The following PRKAR2A variants were observed in gnomAD, a reference collection of about 807,000 sequenced individuals.
The protein encoded by PRKAR2A is protein kinase cAMP-dependent type II regulatory subunit alpha.
A neutral mutation model predicts 51.9 loss-of-function variants in PRKAR2A; 29 were observed. The ratio of observed to expected loss-of-function variants is 0.56; its 90% confidence interval spans 0.42 to 0.76. The LOEUF (loss-of-function observed/expected upper bound fraction) is 0.76. Among genes scored for constraint, PRKAR2A ranks in the 30% least tolerant of loss-of-function variants. The pLI, the probability that PRKAR2A is intolerant of heterozygous loss-of-function variation, is 0.00. For synonymous variants in PRKAR2A, 178 were observed against 186.2 expected, an observed-to-expected ratio of 0.96 and a Z score of 0.36; for missense variants, 445 against 512.1, an observed-to-expected ratio of 0.87 and a Z score of 1.26.
Position 48,749,842 on chromosome 3 carries a change from C to T in PRKAR2A, c.*1743G>A, listed in dbSNP as rs1003311762. On this transcript the variant is annotated 3_prime_UTR_variant, in exon 11 of 11. Transcript: ENST00000265563. ...AAATGCCTGAGTCAGCTGACAAACT[C>T]CATATACATGAATATGTCCAAGTGA... The T allele has an allele frequency of 1.3e-5, 2 of 151,890 alleles. No homozygotes were observed. The highest frequency in any genetic ancestry group is 2.9e-5 in the Non-Finnish European group (2 of 68,004). The allele number at this position is 151,890 out of a possible 1,614,324, so 9.4% of individuals were successfully genotyped here.
At chr3:48,774,232 G>A (rs1431824520) in intron 5 of PRKAR2A, among the ~76,000 whole-genome samples, 1 of 152,084 alleles carries the variant, frequency 6.6e-6, no homozygotes, top group Non-Finnish European at 1.5e-5. Context: ...TTAAGTCAGG[G>A]TAACTGGGGT....
At chr3:48,797,888 G>A (rs1258209097) in intron 2 of PRKAR2A, among the ~76,000 whole-genome samples, 1 of 152,120 alleles carries the variant, frequency 6.6e-6, no homozygotes, top group Non-Finnish European at 1.5e-5. Context: ...TGAGGCCAGG[G>A]TGCATTATCT....
intron 6 of PRKAR2A, among the ~76,000 whole-genome samples, chr3:48,768,376 C>G (rs545627178): frequency 1.3e-5 from 2 of 151,926 alleles, no homozygotes; most frequent in Non-Finnish European, 2.9e-5. Context: ...GACAGACACA[C>G]ACACACACAT....
At chr3:48,809,131 A>G (rs1163704674) in intron 1 of PRKAR2A, among the ~76,000 whole-genome samples, 3 of 152,244 alleles carry the variant, frequency 2.0e-5, no homozygotes, top group African/African-American at 7.2e-5. Flanking sequence ...CAGCGGACAT[A>G]GCACTTCTGT....
At chr3:48,745,210 A>G (rs1052521617), downstream of PRKAR2A, among the ~76,000 whole-genome samples, 3 of 113,448 alleles carry the variant, frequency 2.6e-5, no homozygotes, top group Non-Finnish European at 3.8e-5. Flanking sequence ...GTGCCAGGCT[A>G]TTTTTTATTT....
At position 48,772,734 on chromosome 3, in the gene PRKAR2A, G is replaced by A. The variant is rs531252424; in HGVS notation, c.696+221C>T. On this transcript the variant is annotated intron_variant, in intron 6 of 10. Transcript: ENST00000265563. ...CGGCTCACTGCAAGCTCCACCTCCC[G>A]AGTTCACGCCATTCTCCTGTCTCAG... 2.4e-3 allele frequency among the ~76,000 whole-genome samples: 368 copies of A among 152,074 alleles called. 3 individuals are homozygous for A. Among genetic ancestry groups the A allele is most frequent in the African/African-American group, 8.4e-3 (348 of 41,470 alleles).
chr3:48,828,820 C>A lies in PRKAR2A; in HGVS notation c.262+18515G>T, dbSNP rs538440809. On this transcript the variant is annotated intron_variant, in intron 1 of 10. Transcript: ENST00000265563. ...CAGTGGTTCATGCCCATAATCCCAG[C>A]ACTTTGTTTTTTTCTTGTTTTTTGT... Among the ~76,000 whole-genome samples the A allele has an allele frequency of 3.3e-5, 5 of 150,636 alleles. No homozygotes were observed. The East Asian group carries it at 7.8e-4, about 24-fold the overall frequency.
intron 1 of PRKAR2A, among the ~76,000 whole-genome samples, chr3:48,823,840 G>T (rs2083011957): frequency 6.6e-6 from 1 of 151,420 alleles, no homozygotes; most frequent in African/African-American, 2.4e-5. Context: ...GGACACTACG[G>T]AAGTCTACTA....
chr3:48,779,337 G>A (rs1485784965), intron 5 of PRKAR2A, among the ~76,000 whole-genome samples: 1 of 152,024 alleles, frequency 6.6e-6, no homozygotes, highest in African/African-American at 2.4e-5. Context: ...CTGTACAAAG[G>A]CATTTCAGTC....
chr3:48,802,792 G>A (rs1418354776), intron 2 of PRKAR2A, among the ~76,000 whole-genome samples: 1 of 152,200 alleles, frequency 6.6e-6, no homozygotes, highest in Non-Finnish European at 1.5e-5. Flanking sequence ...AAAGGTTGGA[G>A]AGACAACAAC....
rs572458726 is a variant in PRKAR2A at position 48,834,825 on chromosome 3, T to TATTATAAC, written c.262+12509_262+12510insGTTATAAT. Among the ~76,000 whole-genome samples, 443 of 151,424 alleles carry TATTATAAC rather than the reference T, an allele frequency of 2.9e-3. 3 individuals are homozygous for TATTATAAC. Among genetic ancestry groups the TATTATAAC allele is most frequent in the African/African-American group, 9.8e-3 (403 of 41,284 alleles). On this transcript the variant is annotated intron_variant, in intron 1 of 10. Coordinates refer to ENST00000265563, the MANE Select transcript of PRKAR2A (RefSeq NM_004157.4). ...AGGAACGAGTTTCCAGACAAAAAGT[T>TATTATAAC]TCAACAACAAAAAGACAAATAAACT...
intron 1 of PRKAR2A, among the ~76,000 whole-genome samples, chr3:48,846,315 A>G (rs1199266196): frequency 6.6e-6 from 1 of 151,408 alleles, no homozygotes; most frequent in East Asian, 1.9e-4. Flanking sequence ...TCCCAGGTTC[A>G]AGCGATTCTC....
intron 1 of PRKAR2A, among the ~76,000 whole-genome samples, chr3:48,843,522 C>T (rs1386749091): frequency 7.9e-5 from 12 of 152,134 alleles, no homozygotes; most frequent in South Asian, 2.1e-4. Flanking sequence ...GAGCCCGCAT[C>T]GCCAAGTCAA....
chr3:48,847,635 G>A lies in PRKAR2A; in HGVS notation c.-39C>T. 2 of 1,403,420 alleles carry A rather than the reference G, an allele frequency of 1.4e-6. No individual in the cohort carries two copies. Among genetic ancestry groups the A allele is most frequent in the Non-Finnish European group, 1.8e-6 (2 of 1,084,692 alleles). 86.9% of individuals were successfully genotyped at this position (1,403,420 alleles called of 1,614,324 possible). On this transcript the variant is annotated 5_prime_UTR_variant, in exon 1 of 11. Transcript: ENST00000265563. This position sits in a 1 kb window ranked among gnomAD's most constrained non-coding sequence, Gnocchi z 4.4. Reference sequence around the variant, plus strand: ...GAAGGGATAGACGGGTTGGGCCGCCGGCGGCCACTGTCTCCGCGCTCACTC... The same window carrying A: ...GAAGGGATAGACGGGTTGGGCCGCCAGCGGCCACTGTCTCCGCGCTCACTC...
intron 1 of PRKAR2A, among the ~76,000 whole-genome samples, chr3:48,812,917 G>C (rs1168665331): frequency 1.3e-5 from 2 of 152,130 alleles, no homozygotes; most frequent in Non-Finnish European, 2.9e-5. Context: ...GACAGCAAAA[G>C]CTTCTCTAAA....
intron 5 of PRKAR2A, among the ~76,000 whole-genome samples, chr3:48,780,134 T>C (rs775710760): frequency 1.4e-4 from 20 of 147,740 alleles, no homozygotes; most frequent in Non-Finnish European, 2.7e-4. Flanking sequence ...ACTCCAGCCT[T>C]GCGACAGAGT....
chr3:48,804,995 T>C (rs1015609657), intron 2 of PRKAR2A, among the ~76,000 whole-genome samples: 2 of 152,112 alleles, frequency 1.3e-5, no homozygotes, highest in Admixed American at 6.6e-5. Context: ...CACTGCAGCA[T>C]TGACCTCCCA....
intron 1 of PRKAR2A, among the ~76,000 whole-genome samples, chr3:48,835,545 G>A (rs1321226318): frequency 2.6e-5 from 4 of 151,192 alleles, no homozygotes; most frequent in Non-Finnish European, 5.9e-5. Context: ...GGAGGCTGGG[G>A]CAAGAGAATG....
intron 5 of PRKAR2A, among the ~76,000 whole-genome samples, chr3:48,777,294 C>T (rs1353635484): frequency 6.6e-6 from 1 of 152,190 alleles, no homozygotes; most frequent in Non-Finnish European, 1.5e-5. Flanking sequence ...TCAGTCTTGA[C>T]ATCTTAACCA....
Sources: allele counts gnomAD v4.1 joint callset (sites outside exome capture counted in the v4.1 genomes callset), GRCh38; gene constraint gnomAD v4.1.1; non-coding constraint Gnocchi (gnomAD v3.1); transcripts MANE v1.5; gene names NCBI Gene and HGNC (gene_info 2026-07-23, HGNC 2026-07-21).